AGAP1: variants seen among roughly 807,000 people sequenced by gnomAD.
AGAP1 encodes ArfGAP with GTPase domain, ankyrin repeat and PH domain 1, also known as arf-GAP with GTPase, ANK repeat and PH domain-containing protein 1.
In AGAP1, 29 loss-of-function variants were observed where a neutral mutation model predicts 105.3. That is an observed-to-expected ratio of 0.28 (90% confidence interval 0.21 to 0.38). The LOEUF is 0.38. Ranked by LOEUF, AGAP1 falls within the 10% of genes least tolerant of loss-of-function variation. AGAP1 has a pLI of 1.00. For missense variants in AGAP1, 998 were observed against 1,165.1 expected (o/e 0.86, Z 2.09); for synonymous variants, 509 against 485.9 (o/e 1.05, Z -0.63).
At position 235,961,053 on chromosome 2, in the gene AGAP1, TC is replaced by T. The variant is rs2054163550; in HGVS notation, c.1484-7407del. ...ATTACGTATCGAACCCCATTACTCA[TC>T]CTGAATCTGTTTCAGGAAGGATGTG... On this transcript the variant is annotated intron_variant, in intron 12 of 17. Transcript: ENST00000304032. This position sits in a 1 kb window ranked among gnomAD's most constrained non-coding sequence, Gnocchi z 5.9. 6.6e-6 allele frequency among the ~76,000 whole-genome samples: 1 copy of T among 152,224 alleles called. No homozygotes were observed. Among genetic ancestry groups the T allele is most frequent in the Non-Finnish European group, 1.5e-5 (1 of 68,032 alleles).
At chr2:235,933,957 A>G (rs1187614692) in intron 12 of AGAP1, among the ~76,000 whole-genome samples, 1 of 152,214 alleles carries the variant, frequency 6.6e-6, no homozygotes, top group Non-Finnish European at 1.5e-5. Context: ...CACAGAGTAG[A>G]TCCTGTTGTT....
intron 9 of AGAP1, among the ~76,000 whole-genome samples, chr2:235,820,678 T>C (rs1159233478): frequency 6.6e-6 from 1 of 152,208 alleles, no homozygotes; most frequent in Non-Finnish European, 1.5e-5. Context: ...ACATAAAAAT[T>C]AATTTTATAC....
chr2:235,627,598 GC>G (rs1946684872), intron 1 of AGAP1, among the ~76,000 whole-genome samples: 2 of 152,178 alleles, frequency 1.3e-5, no homozygotes, highest in Admixed American at 1.3e-4. Flanking sequence ...CAAGTCCACT[GC>G]CCGTGGGGCT....
rs1380771113 is a variant in AGAP1, at chr2:235,550,402, G to T, written c.163+55553G>T. 6.6e-6 allele frequency among the ~76,000 whole-genome samples: 1 copy of T among 152,178 alleles called. No homozygotes were observed. Among genetic ancestry groups the T allele is most frequent in the African/African-American group, 2.4e-5 (1 of 41,430 alleles). On this transcript the variant is annotated intron_variant, in intron 1 of 17. Transcript: ENST00000304032. The surrounding 1 kb of genome is among the most constrained non-coding windows in gnomAD (Gnocchi z 4.6). The stretch of plus-strand genomic sequence containing the variant: ...GACTTCTCATAGCTGTTCGTCATTG[G>T]GAGTCACTGAGCATGCACACGGGCT...
chr2:235,791,225 A>G (rs1956955742), intron 6 of AGAP1, among the ~76,000 whole-genome samples: 1 of 149,066 alleles, frequency 6.7e-6, no homozygotes, highest in Admixed American at 7.0e-5. Flanking sequence ...CTATATAGAT[A>G]ATTTGGTAAT....
intron 6 of AGAP1, among the ~76,000 whole-genome samples, chr2:235,781,140 C>A (rs925051487): frequency 1.2e-4 from 19 of 152,188 alleles, no homozygotes; most frequent in Non-Finnish European, 2.6e-4. Context: ...ACAGACCTTT[C>A]CCTACCTGTC....
intron 1 of AGAP1, among the ~76,000 whole-genome samples, chr2:235,567,166 G>A (rs1348507813): frequency 6.6e-6 from 1 of 152,262 alleles, no homozygotes; most frequent in Non-Finnish European, 1.5e-5. Flanking sequence ...CCACCCCCAG[G>A]CCAGCGGGCA....
In AGAP1 at chr2:235,556,645, A is replaced by G. The variant is rs1417912779; in HGVS notation, c.163+61796A>G. Among the ~76,000 whole-genome samples the G allele has an allele frequency of 6.6e-6, 1 of 152,258 alleles. No homozygotes were observed. The highest frequency in any genetic ancestry group is 1.5e-5 in the Non-Finnish European group (1 of 68,046). ...CTGGTTCCCTCTCTCCCCTATGTGC[A>G]AGTAAATAACATGCTACTATATGTA... On this transcript the variant is annotated intron_variant, in intron 1 of 17. Transcript: ENST00000304032. This position sits in a 1 kb window ranked among gnomAD's most constrained non-coding sequence, Gnocchi z 5.3.
In AGAP1 at chr2:236,014,690, G is replaced by C; in HGVS notation, c.1646-21871G>C. 1 of 357,286 alleles carries C rather than the reference G, an allele frequency of 2.8e-6. No homozygotes were observed. Among genetic ancestry groups the C allele is most frequent in the South Asian group, 2.2e-5 (1 of 45,900 alleles). The allele number at this position is 357,286 out of a possible 1,614,324, so 22.1% of individuals were successfully genotyped here. ...CCCACCCGCTTCGCGCAGACAGCTCGGAGGCAACGTCACGTGCTACTTTGA... is the reference window on the plus strand; with the variant it reads ...CCCACCCGCTTCGCGCAGACAGCTCCGAGGCAACGTCACGTGCTACTTTGA... On this transcript the variant is annotated intron_variant, in intron 13 of 17. Transcript: ENST00000304032. This position sits in a 1 kb window ranked among gnomAD's most constrained non-coding sequence, Gnocchi z 6.3.
At position 235,737,962 on chromosome 2, in the gene AGAP1, A is replaced by G. The variant is rs1475587741; in HGVS notation, c.311-3001A>G. ...TCCACATACCCTTGTATCTGGGGCAACCATCAGAGGGCAGGGCTGGAGCTG... is the reference window on the plus strand; with the variant it reads ...TCCACATACCCTTGTATCTGGGGCAGCCATCAGAGGGCAGGGCTGGAGCTG... On this transcript the variant is annotated intron_variant, in intron 3 of 17. Transcript: ENST00000304032. The surrounding 1 kb of genome is among the most constrained non-coding windows in gnomAD (Gnocchi z 4.5). Among the ~76,000 whole-genome samples the G allele has an allele frequency of 6.6e-6, 1 of 151,902 alleles. No homozygotes were observed. Among genetic ancestry groups the G allele is most frequent in the East Asian group, 2.0e-4 (1 of 5,122 alleles).
At chr2:235,543,248 G>A (rs951267880) in intron 1 of AGAP1, among the ~76,000 whole-genome samples, 3 of 151,780 alleles carry the variant, frequency 2.0e-5, no homozygotes, top group Non-Finnish European at 4.4e-5. Context: ...ACTCAGTGTC[G>A]CCCACAGGTT....
chr2:236,117,499 G>T (rs556273062), intron 16 of AGAP1, among the ~76,000 whole-genome samples: 6 of 152,244 alleles, frequency 3.9e-5, no homozygotes, highest in African/African-American at 1.4e-4. Flanking sequence ...CTTTGGCTGG[G>T]GTGTGGGAAT....
intron 1 of AGAP1, among the ~76,000 whole-genome samples, chr2:235,539,989 C>T (rs1057242186): frequency 2.0e-5 from 3 of 152,210 alleles, no homozygotes; most frequent in African/African-American, 4.8e-5. Flanking sequence ...GACTCTGGAC[C>T]GCCCCATCCC....
chr2:235,709,258 C>T lies in AGAP1; in HGVS notation c.222+21C>T, dbSNP rs368172238. On this transcript the variant is annotated intron_variant, in intron 2 of 17. Coordinates refer to ENST00000304032, the MANE Select transcript of AGAP1 (RefSeq NM_001037131.3). ...AAGTGGTGAGTGGTTCCCTCTGGCCCTGGCACCTGTGGGAAGGGAGGGGCT... is the reference window on the plus strand; with the variant it reads ...AAGTGGTGAGTGGTTCCCTCTGGCCTTGGCACCTGTGGGAAGGGAGGGGCT... The T allele has an allele frequency of 2.5e-6, 4 of 1,613,300 alleles. No individual in the cohort carries two copies. The African/African-American group carries it at 5.3e-5, about 22-fold the overall frequency.
intron 9 of AGAP1, among the ~76,000 whole-genome samples, chr2:235,825,245 A>G (rs1029706184): frequency 1.3e-5 from 2 of 152,192 alleles, no homozygotes; most frequent in African/African-American, 4.8e-5. Flanking sequence ...AATGATGCAC[A>G]TATTGGTGCT....
At chr2:236,074,337 C>T (rs887878563) in intron 16 of AGAP1, among the ~76,000 whole-genome samples, 2 of 152,216 alleles carry the variant, frequency 1.3e-5, no homozygotes, top group South Asian at 2.1e-4. Flanking sequence ...ATAGAATCAA[C>T]TGTAAAAGCT....
In AGAP1 at chr2:235,510,984, C is replaced by G. The variant is rs999248336; in HGVS notation, c.163+16135C>G. Among the ~76,000 whole-genome samples, 5 of 5,522 alleles carry G rather than the reference C, an allele frequency of 9.1e-4. No homozygotes were observed. The Admixed American group carries it at 0.011, about 12-fold the overall frequency. 3.6% of individuals were successfully genotyped at this position (5,522 alleles called of 152,430 possible). On this transcript the variant is annotated intron_variant, in intron 1 of 17. Coordinates refer to ENST00000304032, the MANE Select transcript of AGAP1 (RefSeq NM_001037131.3). ...GCCAAGATCAGTTTTCAACAAGGTG[C>G]TGGGTGGGGGGGCGGGGGGCGGCGG...
chr2:235,646,977 A>G (rs1481026953), intron 1 of AGAP1, among the ~76,000 whole-genome samples: 1 of 152,108 alleles, frequency 6.6e-6, no homozygotes, highest in Admixed American at 6.5e-5. Flanking sequence ...CCACTAAAAA[A>G]TACAAAAAAT....
intron 6 of AGAP1, among the ~76,000 whole-genome samples, chr2:235,771,986 T>G (rs146378887): frequency 0.019 from 2,723 of 146,200 alleles, 76 homozygotes; most frequent in African/African-American, 0.063. Context: ...TCTTTTTTTT[T>G]TTCTTTTCTT....
Sources: gnomAD v4.1 joint callset for allele counts (sites outside exome capture counted in the v4.1 genomes callset) on GRCh38, gnomAD v4.1.1 for gene constraint, Gnocchi (gnomAD v3.1) non-coding constraint, MANE v1.5 for transcripts, NCBI Gene and HGNC (gene_info 2026-07-23, HGNC 2026-07-21) for gene names.